HS6ST3: variants seen among roughly 807,000 people sequenced by gnomAD.
The protein encoded by HS6ST3 is heparan-sulfate 6-O-sulfotransferase 3.
In HS6ST3, 12 loss-of-function variants were observed where a neutral mutation model predicts 36.7. The ratio of observed to expected loss-of-function variants is 0.33; its 90% CI spans 0.21 to 0.53. HS6ST3 has a LOEUF of 0.53. Ranked by LOEUF, HS6ST3 falls within the 20% of genes least tolerant of loss-of-function variation. HS6ST3 has a pLI of 0.95. For missense variants in HS6ST3, 584 were observed against 640.9 expected, an observed-to-expected ratio of 0.91 and a Z score of 0.96; for synonymous variants, 240 against 257.5, an observed-to-expected ratio of 0.93 and a Z score of 0.65.
rs1053402743 is a variant in HS6ST3, at chr13:96,754,025, G to A, written c.708-78465G>A. Among the ~76,000 whole-genome samples the A allele has an allele frequency of 4.6e-5, 7 of 152,148 alleles. No homozygotes were observed. In the East Asian group the frequency reaches 1.4e-3, roughly 29 times the overall value. Reference sequence around the variant, plus strand: ...GTAGAGACAGGGTTTCACCATGTTGGCCAGGCTGATCTCGAACTCCTGACC... The same window carrying A: ...GTAGAGACAGGGTTTCACCATGTTGACCAGGCTGATCTCGAACTCCTGACC... On this transcript the variant is annotated intron_variant, in intron 1 of 1. Coordinates refer to ENST00000376705, the MANE Select transcript of HS6ST3 (RefSeq NM_153456.4).
chr13:96,442,203 G>A (rs904391749), intron 1 of HS6ST3, among the ~76,000 whole-genome samples: 1 of 151,856 alleles, frequency 6.6e-6, no homozygotes, highest in Non-Finnish European at 1.5e-5. Context: ...TTGTAAAGAC[G>A]GAGTTTCACC....
intron 1 of HS6ST3, among the ~76,000 whole-genome samples, chr13:96,699,194 G>T (rs1251876836): frequency 6.6e-6 from 1 of 152,096 alleles, no homozygotes; most frequent in Non-Finnish European, 1.5e-5. Context: ...GTATGGGCAA[G>T]GACTTCATGT....
At chr13:96,753,544 T>C (rs1383146459) in intron 1 of HS6ST3, among the ~76,000 whole-genome samples, 1 of 152,206 alleles carries the variant, frequency 6.6e-6, no homozygotes, top group Non-Finnish European at 1.5e-5. Flanking sequence ...TGTTTGATCT[T>C]ATTTTTAGCC....
chr13:96,134,563 T>C (rs2053991997), intron 1 of HS6ST3, among the ~76,000 whole-genome samples: 1 of 152,198 alleles, frequency 6.6e-6, no homozygotes, highest in African/African-American at 2.4e-5. Flanking sequence ...GCTATTTGCA[T>C]TGTAATATTC....
At chr13:96,238,468 A>G (rs1001061788) in intron 1 of HS6ST3, among the ~76,000 whole-genome samples, 1 of 152,212 alleles carries the variant, frequency 6.6e-6, no homozygotes, top group Non-Finnish European at 1.5e-5. Context: ...TTGTCATCCC[A>G]GTCTGATTCT....
intron 1 of HS6ST3, among the ~76,000 whole-genome samples, chr13:96,448,570 G>A (rs1000810920): frequency 6.6e-6 from 1 of 151,754 alleles, no homozygotes; most frequent in Non-Finnish European, 1.5e-5. Context: ...CAAAATAATG[G>A]TGATATCCGC....
intron 1 of HS6ST3, among the ~76,000 whole-genome samples, chr13:96,185,895 C>T (rs551747906): frequency 2.0e-5 from 3 of 152,214 alleles, no homozygotes; most frequent in South Asian, 4.1e-4. Context: ...AACGTTTATT[C>T]GCATGTACAG....
chr13:96,272,603 A>C (rs2054726611), intron 1 of HS6ST3, among the ~76,000 whole-genome samples: 1 of 152,044 alleles, frequency 6.6e-6, no homozygotes, highest in Admixed American at 6.6e-5. Flanking sequence ...GCTATAATGC[A>C]AAAGAAGTAA....
intron 1 of HS6ST3, among the ~76,000 whole-genome samples, chr13:96,132,739 A>G (rs1049342707): frequency 1.3e-5 from 2 of 152,162 alleles, no homozygotes; most frequent in African/African-American, 2.4e-5. Context: ...CTCCCCATCA[A>G]TAGTGTACAG....
intron 1 of HS6ST3, among the ~76,000 whole-genome samples, chr13:96,669,644 T>A (rs924661488): frequency 5.9e-5 from 9 of 152,202 alleles, no homozygotes; most frequent in Admixed American, 3.9e-4. Context: ...GTAAACTTTT[T>A]TCTTCTCTTT....
At chr13:96,139,732 A>G (rs2054021540) in intron 1 of HS6ST3, among the ~76,000 whole-genome samples, 1 of 152,032 alleles carries the variant, frequency 6.6e-6, no homozygotes, top group Non-Finnish European at 1.5e-5. Flanking sequence ...CAAAGTTTAT[A>G]TATTTATTTT....
intron 1 of HS6ST3, among the ~76,000 whole-genome samples, chr13:96,312,029 C>G (rs1235984352): frequency 6.6e-6 from 1 of 151,820 alleles, no homozygotes; most frequent in African/African-American, 2.4e-5. Context: ...ACAATGTCTT[C>G]CCCCTCCTGA....
intron 1 of HS6ST3, among the ~76,000 whole-genome samples, chr13:96,713,401 A>T (rs1009051493): frequency 1.3e-5 from 2 of 152,182 alleles, no homozygotes; most frequent in African/African-American, 4.8e-5. Context: ...ATGACTGTAA[A>T]TATAGATTCA....
At chr13:96,593,961 C>CTT (rs1001045101) in intron 1 of HS6ST3, among the ~76,000 whole-genome samples, 1 of 142,238 alleles carries the variant, frequency 7.0e-6, no homozygotes, top group African/African-American at 2.6e-5. Context: ...ATAATTGGGT[C>CTT]TTTTTTTTTT....
At chr13:96,349,111 C>A (rs1167406562) in intron 1 of HS6ST3, among the ~76,000 whole-genome samples, 1 of 152,194 alleles carries the variant, frequency 6.6e-6, no homozygotes, top group Non-Finnish European at 1.5e-5. Flanking sequence ...TTTGATTTCA[C>A]ATACAATCCA....
intron 1 of HS6ST3, among the ~76,000 whole-genome samples, chr13:96,368,278 G>A (rs548314484): frequency 6.6e-6 from 1 of 152,248 alleles, no homozygotes; most frequent in African/African-American, 2.4e-5. Flanking sequence ...ATTGAAGATA[G>A]GGTACCTGTA....
chr13:96,799,423 C>A (rs965116830), intron 1 of HS6ST3, among the ~76,000 whole-genome samples: 1 of 152,062 alleles, frequency 6.6e-6, no homozygotes, highest in Admixed American at 6.6e-5. Context: ...AAATGTGGCA[C>A]ACATACACCA....
intron 1 of HS6ST3, among the ~76,000 whole-genome samples, chr13:96,812,965 A>G (rs1423849745): frequency 6.6e-6 from 1 of 152,136 alleles, no homozygotes; most frequent in African/African-American, 2.4e-5. Context: ...GCGTCTGAGG[A>G]CAGAGACTTG....
At chr13:96,801,778 G>C (rs1009968313) in intron 1 of HS6ST3, among the ~76,000 whole-genome samples, 3 of 152,100 alleles carry the variant, frequency 2.0e-5, no homozygotes, top group African/African-American at 7.2e-5. Flanking sequence ...AGCAAACTGG[G>C]ACTGGGAAGG....
Sources: gnomAD v4.1 joint callset for allele counts (sites outside exome capture counted in the v4.1 genomes callset) on GRCh38, gnomAD v4.1.1 for gene constraint, MANE v1.5 for transcripts, NCBI Gene and HGNC (gene_info 2026-07-23, HGNC 2026-07-21) for gene names.